The following BCL11B variants were observed in gnomAD, a reference collection of about 807,000 sequenced individuals.
The protein encoded by BCL11B is B-cell lymphoma/leukemia 11B.
BCL11B carries 8 observed loss-of-function variants against 49.9 expected under a neutral mutation model. The ratio of observed to expected loss-of-function variants is 0.16; its 90% CI spans 0.09 to 0.29. The LOEUF (loss-of-function observed/expected upper bound fraction) is 0.29, where lower values mean the gene tolerates loss of function less well. Among genes scored for constraint, BCL11B ranks in the 10% least tolerant of loss-of-function variants. The pLI is 1.00. For missense variants in BCL11B, 1,006 were observed against 1,351.0 expected, an observed-to-expected ratio of 0.74 and a Z score of 4.00; for synonymous variants, 739 against 637.4, an observed-to-expected ratio of 1.16 and a Z score of -2.40.
intron 3 of BCL11B, among the ~76,000 whole-genome samples, chr14:99,214,648 CT>C (rs1363713876): frequency 1.3e-5 from 2 of 151,012 alleles, no homozygotes; most frequent in Non-Finnish European, 2.9e-5. Context: ...ATCCCGGAAC[CT>C]AAAATACATT....
intron 3 of BCL11B, among the ~76,000 whole-genome samples, chr14:99,183,389 T>C (rs1886765085): frequency 6.6e-6 from 1 of 152,152 alleles, no homozygotes; most frequent in Admixed American, 6.5e-5. Context: ...GCTGGTCTTG[T>C]GGACTGCTTG....
Position 99,175,859 on chromosome 14 carries a change from T to C in BCL11B, c.977A>G (p.Asp326Gly). Residue 326 changes from aspartate to glycine, a missense_variant, in exon 4 of 4, where the codon GAC (aspartate) becomes GGC (glycine). By Grantham distance (94) the Asp-to-Gly change is moderately conservative (BLOSUM62 -1). Transcript: ENST00000357195. ...CTCCTCGGCACTGAGGCGGTGCGGGTCCAGGTGGTGGCGCGGCGGGGGACT... is the reference window on the plus strand; with the variant it reads ...CTCCTCGGCACTGAGGCGGTGCGGGCCCAGGTGGTGGCGCGGCGGGGGACT... ...LFSPPPRHHL[D>G]PHRLSAEEMG... 6.8e-7 allele frequency: 1 copy of C among 1,478,172 alleles called. No homozygotes were observed. Among genetic ancestry groups the C allele is most frequent in the Non-Finnish European group, 8.9e-7 (1 of 1,119,866 alleles). The allele number at this position is 1,478,172 out of a possible 1,614,324, so 91.6% of individuals were successfully genotyped here.
chr14:99,183,399 G>T (rs1033215788), intron 3 of BCL11B, among the ~76,000 whole-genome samples: 1 of 152,120 alleles, frequency 6.6e-6, no homozygotes, highest in African/African-American at 2.4e-5. Flanking sequence ...TGGACTGCTT[G>T]GACACCAGCC....
chr14:99,235,717 G>T (rs1322572982), intron 2 of BCL11B, among the ~76,000 whole-genome samples: 1 of 150,668 alleles, frequency 6.6e-6, no homozygotes, highest in African/African-American at 2.4e-5. Context: ...GACAGCGGGG[G>T]GAAGGAGGTG....
chr14:99,247,246 A>C lies in BCL11B; in HGVS notation c.427+10225T>G, dbSNP rs1888871682. On this transcript the variant is annotated intron_variant, in intron 2 of 3. Transcript: ENST00000357195. This position sits in a 1 kb window ranked among gnomAD's most constrained non-coding sequence, Gnocchi z 4.5. ...AAATAAAGTCGCCTAGTTTGCAGGG[A>C]AAGTTTTACAAGCCAATGATGCAGA... is the stretch of plus-strand genomic sequence containing the variant. Among the ~76,000 whole-genome samples the C allele has an allele frequency of 6.6e-6, 1 of 152,208 alleles. No homozygotes were observed. Among genetic ancestry groups the C allele is most frequent in the African/African-American group, 2.4e-5 (1 of 41,446 alleles).
At chr14:99,240,340 C>T (rs1888624969) in intron 2 of BCL11B, among the ~76,000 whole-genome samples, 1 of 152,174 alleles carries the variant, frequency 6.6e-6, no homozygotes. Context: ...CAGCTCTCCC[C>T]TGGATTTTGT....
At chr14:99,266,885 A>G (rs1162645281) in intron 1 of BCL11B, among the ~76,000 whole-genome samples, 1 of 152,252 alleles carries the variant, frequency 6.6e-6, no homozygotes, top group African/African-American at 2.4e-5. Context: ...TGAAAAGGGG[A>G]TAAGTGAAGG....
At position 99,207,284 on chromosome 14, in the gene BCL11B, A is replaced by ACCAC. The variant is rs569231627; in HGVS notation, c.640+24060_640+24061insGTGG. Among the ~76,000 whole-genome samples, 16 of 152,192 alleles carry ACCAC rather than the reference A, an allele frequency of 1.1e-4. No homozygotes were observed. The South Asian group carries it at 3.1e-3, about 30-fold the overall frequency. ...TGACAAAGCGAAAAAATACATGAGG[A>ACCAC]CCCAATAGCTGCTCCAGCTCAGGGG... On this transcript the variant is annotated intron_variant, in intron 3 of 3. Coordinates refer to ENST00000357195, the MANE Select transcript of BCL11B (RefSeq NM_138576.4).
At chr14:99,181,461 C>T (rs1216055815) in intron 3 of BCL11B, among the ~76,000 whole-genome samples, 1 of 152,256 alleles carries the variant, frequency 6.6e-6, no homozygotes, top group South Asian at 2.1e-4. Flanking sequence ...CACGCTCCTC[C>T]TCAGGCTTCC....
At chr14:99,245,797 C>G (rs1418854602) in intron 2 of BCL11B, among the ~76,000 whole-genome samples, 1 of 152,098 alleles carries the variant, frequency 6.6e-6, no homozygotes, top group Non-Finnish European at 1.5e-5. Context: ...GGGGCGGCCC[C>G]GTGCGCACAA....
chr14:99,198,574 G>A (rs933900764), intron 3 of BCL11B, among the ~76,000 whole-genome samples: 4 of 152,092 alleles, frequency 2.6e-5, no homozygotes, highest in South Asian at 2.1e-4. Context: ...GAGCCTATGC[G>A]TGTCCCTGGT....
intron 1 of BCL11B, among the ~76,000 whole-genome samples, chr14:99,265,751 C>CT (rs201990787): frequency 1.1e-4 from 16 of 152,314 alleles, no homozygotes; most frequent in African/African-American, 3.8e-4. Context: ...ATTGCTGGCC[C>CT]TGTGTACTGG....
At chr14:99,219,960 A>T (rs1595257514) in intron 3 of BCL11B, among the ~76,000 whole-genome samples, 1 of 152,252 alleles carries the variant, frequency 6.6e-6, no homozygotes, top group East Asian at 1.9e-4. Flanking sequence ...GGCCACACCT[A>T]GGCTGGCTGA....
chr14:99,252,524 G>A (rs1216100299), intron 2 of BCL11B, among the ~76,000 whole-genome samples: 1 of 152,156 alleles, frequency 6.6e-6, no homozygotes, highest in African/African-American at 2.4e-5. Flanking sequence ...TGGGTCACTG[G>A]GGCCCCAAAC....
At chr14:99,255,953 G>C (rs34053174) in intron 2 of BCL11B, among the ~76,000 whole-genome samples, 34,639 of 152,186 alleles carry the variant, frequency 0.23, 5,279 homozygotes, top group Non-Finnish European at 0.34. Context: ...CTGGTTCACT[G>C]ATGTCTCCCC....
intron 3 of BCL11B, among the ~76,000 whole-genome samples, chr14:99,224,096 T>G (rs1218315405): frequency 6.6e-6 from 1 of 152,212 alleles, no homozygotes; most frequent in Admixed American, 6.5e-5. Context: ...GACCAGTGCA[T>G]GAAGGAAGAC....
intron 3 of BCL11B, among the ~76,000 whole-genome samples, chr14:99,190,276 C>T (rs1886983526): frequency 6.6e-6 from 1 of 152,212 alleles, no homozygotes; most frequent in Non-Finnish European, 1.5e-5. Context: ...ATCACGAGGT[C>T]AGGAGATCAA....
rs1016424330 is a variant in BCL11B, at chr14:99,184,739, G to T, written c.641-8544C>A. 6.6e-6 allele frequency among the ~76,000 whole-genome samples: 1 copy of T among 152,196 alleles called. No individual in the cohort carries two copies. On this transcript the variant is annotated intron_variant, in intron 3 of 3. Coordinates refer to ENST00000357195, the MANE Select transcript of BCL11B (RefSeq NM_138576.4). The surrounding 1 kb of genome is among the most constrained non-coding windows in gnomAD (Gnocchi z 6.1). Reference sequence around the variant, plus strand: ...TGGGATTGCCAGCAAGCCAGCCCGGGAGGCCAAGCTGAAGGCCTTCGAGGG... The same window carrying T: ...TGGGATTGCCAGCAAGCCAGCCCGGTAGGCCAAGCTGAAGGCCTTCGAGGG...
chr14:99,218,462 T>C lies in BCL11B; in HGVS notation c.640+12883A>G, dbSNP rs184490102. ...CATGGGGGCAGAGCTGGGGGCCACA[T>C]GTGACCACACTGCCTTCCATAAACA... On this transcript the variant is annotated intron_variant, in intron 3 of 3. Coordinates refer to ENST00000357195, the MANE Select transcript of BCL11B (RefSeq NM_138576.4). Among the ~76,000 whole-genome samples, 6 of 152,150 alleles carry C rather than the reference T, an allele frequency of 3.9e-5. No homozygotes were observed. The East Asian group carries it at 1.2e-3, about 29-fold the overall frequency.
Sources: allele counts gnomAD v4.1 joint callset (sites outside exome capture counted in the v4.1 genomes callset), GRCh38; gene constraint gnomAD v4.1.1; non-coding constraint Gnocchi (gnomAD v3.1); transcripts MANE v1.5; gene names NCBI Gene and HGNC (gene_info 2026-07-23, HGNC 2026-07-21).